Variants in CADM2 observed in about 807,000 individuals in gnomAD.
The protein encoded by CADM2 is immunoglobulin superfamily member 4D.
A neutral mutation model predicts 49.8 loss-of-function variants in CADM2; 12 were observed. The observed-to-expected ratio is 0.24, with a 90% confidence interval of 0.15 to 0.39. The LOEUF is 0.39. CADM2 is among the 10% of genes least tolerant of loss of function. The probability of loss-of-function intolerance (pLI) is 1.00; values close to 1 mark genes in which losing one functional copy is unlikely to be tolerated. For synonymous variants in CADM2, 214 were observed against 175.4 expected (o/e 1.22, Z -1.74); for missense variants, 378 against 492.3 (o/e 0.77, Z 2.20).
intron 8 of CADM2, among the ~76,000 whole-genome samples, chr3:86,032,040 TA>T (rs1387040862): frequency 1.3e-5 from 2 of 151,894 alleles, no homozygotes; most frequent in African/African-American, 2.4e-5. Flanking sequence ...TTAACCAAGA[TA>T]TTTTTTTCTT....
intron 3 of CADM2, among the ~76,000 whole-genome samples, chr3:85,822,933 A>T (rs775637495): frequency 3.3e-5 from 5 of 152,158 alleles, no homozygotes; most frequent in Non-Finnish European, 7.3e-5. Context: ...TATTATTCTA[A>T]GCTTCTAACT....
In CADM2 at chr3:85,070,182, T is replaced by C. The variant is rs570646939; in HGVS notation, c.61+110514T>C. Among the ~76,000 whole-genome samples the C allele has an allele frequency of 5.9e-5, 9 of 152,300 alleles. No individual in the cohort carries two copies. The South Asian group carries it at 1.9e-3, about 32-fold the overall frequency. On this transcript the variant is annotated intron_variant, in intron 1 of 9. Transcript: ENST00000383699. ...CCTATCTGATTTTATCTACTGGCAC[T>C]TTTTTCTTTTCCCAGTTAAGAGATG...
chr3:85,999,876 T>C (rs1472962714), intron 8 of CADM2, among the ~76,000 whole-genome samples: 2 of 152,038 alleles, frequency 1.3e-5, no homozygotes, highest in Non-Finnish European at 2.9e-5. Context: ...AAATGAGAGA[T>C]ATAAAACAGA....
At chr3:85,720,581 G>T (rs1047878960) in intron 1 of CADM2, among the ~76,000 whole-genome samples, 2 of 152,016 alleles carry the variant, frequency 1.3e-5, no homozygotes, top group South Asian at 2.1e-4. Context: ...TGATATTTGT[G>T]TGATTAAGAA....
At chr3:85,649,190 G>C (rs2064975789) in intron 1 of CADM2, among the ~76,000 whole-genome samples, 1 of 152,062 alleles carries the variant, frequency 6.6e-6, no homozygotes, top group African/African-American at 2.4e-5. Flanking sequence ...ACTCTTAAGA[G>C]ATTAACTTCA....
chr3:85,688,010 T>C (rs1409422369), intron 1 of CADM2, among the ~76,000 whole-genome samples: 1 of 152,186 alleles, frequency 6.6e-6, no homozygotes, highest in East Asian at 1.9e-4. Context: ...GAGAATCCAA[T>C]GCCTGATGAT....
intron 1 of CADM2, among the ~76,000 whole-genome samples, chr3:85,358,466 G>A (rs2032058586): frequency 6.6e-6 from 1 of 152,062 alleles, no homozygotes; most frequent in Non-Finnish European, 1.5e-5. Flanking sequence ...TTGGTGATGG[G>A]CAGAACAGCA....
At chr3:85,090,800 TAGGTTG>T (rs1468711669) in intron 1 of CADM2, among the ~76,000 whole-genome samples, 3 of 152,182 alleles carry the variant, frequency 2.0e-5, no homozygotes, top group Non-Finnish European at 4.4e-5. Flanking sequence ...GCGAGGGCTC[TAGGTTG>T]TCCACTCCTT....
intron 1 of CADM2, among the ~76,000 whole-genome samples, chr3:85,280,030 T>C (rs555061531): frequency 6.6e-6 from 1 of 151,862 alleles, no homozygotes; most frequent in African/African-American, 2.4e-5. Flanking sequence ...TTTAATTTAA[T>C]GTAGTCCCGC....
At chr3:85,731,956 T>C (rs1348278557) in intron 2 of CADM2, among the ~76,000 whole-genome samples, 3 of 151,646 alleles carry the variant, frequency 2.0e-5, no homozygotes, top group African/African-American at 7.3e-5. Context: ...AGATTGTAAT[T>C]TTAAAAGTGG....
At chr3:86,013,988 A>T in intron 8 of CADM2, 1 of 1,464,286 alleles carries the variant, frequency 6.8e-7, no homozygotes, top group South Asian at 1.3e-5. Context: ...CATTAGGAAC[A>T]ATTGAAGAAG....
intron 1 of CADM2, among the ~76,000 whole-genome samples, chr3:85,355,060 A>T (rs192989334): frequency 1.6e-4 from 24 of 152,086 alleles, no homozygotes; most frequent in African/African-American, 5.5e-4. Flanking sequence ...TCTGACTTCA[A>T]AAGGTAAGGT....
intron 1 of CADM2, among the ~76,000 whole-genome samples, chr3:85,446,977 C>A: frequency 3.0e-5 from 3 of 100,254 alleles, no homozygotes; most frequent in African/African-American, 7.4e-5. Flanking sequence ...ATGACTTAAG[C>A]CTAATATGTA....
chr3:85,555,826 A>G (rs1327706013), intron 1 of CADM2, among the ~76,000 whole-genome samples: 3 of 152,116 alleles, frequency 2.0e-5, no homozygotes, highest in African/African-American at 7.2e-5. Flanking sequence ...AATTACACGT[A>G]TATATTTATA....
chr3:85,038,888 G>A (rs1394514977), intron 1 of CADM2, among the ~76,000 whole-genome samples: 1 of 152,134 alleles, frequency 6.6e-6, no homozygotes, highest in Non-Finnish European at 1.5e-5. Flanking sequence ...AAATGCAAAT[G>A]TAACAACTTT....
At chr3:85,779,332 G>A (rs900701237) in intron 2 of CADM2, among the ~76,000 whole-genome samples, 2 of 151,896 alleles carry the variant, frequency 1.3e-5, no homozygotes, top group African/African-American at 4.8e-5. Flanking sequence ...GCAGTTTTGC[G>A]CTGAGCATCT....
intron 1 of CADM2, among the ~76,000 whole-genome samples, chr3:85,567,967 C>A (rs77395383): frequency 0.028 from 4,234 of 152,280 alleles, 86 homozygotes; most frequent in Non-Finnish European, 0.047. Flanking sequence ...AGCTCTCCCC[C>A]TTTTTGTTCT....
chr3:85,388,546 A>G (rs1209660757), intron 1 of CADM2, among the ~76,000 whole-genome samples: 1 of 152,162 alleles, frequency 6.6e-6, no homozygotes, highest in African/African-American at 2.4e-5. Context: ...TGTATTTTAT[A>G]TATATGTCAT....
chr3:86,018,007 C>A (rs1732540561), intron 8 of CADM2, among the ~76,000 whole-genome samples: 1 of 124,226 alleles, frequency 8.0e-6, no homozygotes, highest in African/African-American at 3.0e-5. Flanking sequence ...AGGTATATCT[C>A]CCAATGCTAT....
Sources: allele counts gnomAD v4.1 joint callset (sites outside exome capture counted in the v4.1 genomes callset), GRCh38; gene constraint gnomAD v4.1.1; transcripts MANE v1.5; gene names NCBI Gene and HGNC (gene_info 2026-07-23, HGNC 2026-07-21).